Variants in TTC13 observed in about 807,000 individuals in gnomAD.
TTC13 encodes tetratricopeptide repeat protein 13.
TTC13 carries 62 observed loss-of-function variants against 120.0 expected under a neutral mutation model. That is an observed-to-expected ratio of 0.52 (90% CI 0.42 to 0.64). The LOEUF is 0.64. Among genes scored for constraint, TTC13 ranks in the 30% least tolerant of loss-of-function variants. The pLI is 0.00. For synonymous variants in TTC13, 384 were observed against 393.5 expected (o/e 0.98, Z 0.28); for missense variants, 824 against 1,050.2 (o/e 0.78, Z 2.98).
At chr1:230,959,231 AG>A (rs1454771667) in intron 2 of TTC13, among the ~76,000 whole-genome samples, 2 of 152,222 alleles carry the variant, frequency 1.3e-5, no homozygotes, top group African/African-American at 4.8e-5. Context: ...TTCTGCAAAA[AG>A]ATATAGGGAC....
chr1:230,955,548 G>A (rs1675989618), intron 3 of TTC13, among the ~76,000 whole-genome samples: 2 of 151,226 alleles, frequency 1.3e-5, no homozygotes, highest in African/African-American at 4.9e-5. Context: ...GCGGGTGCCT[G>A]TAGTCCCAGC....
In TTC13 at chr1:230,943,920, T is replaced by C. The variant is rs1459146987; in HGVS notation, c.580-22A>G. 1.9e-6 allele frequency: 3 copies of C among 1,569,326 alleles called. No homozygotes were observed. In the African/African-American group the frequency reaches 4.1e-5, roughly 21 times the overall value. On this transcript the variant is annotated intron_variant, in intron 5 of 22. Transcript: ENST00000366661. ...TGTCCTTGAAAAGGCATTAGCTTAG[T>C]ATGAGACATACTGTTACTCAAAACC...
intron 17 of TTC13, among the ~76,000 whole-genome samples, chr1:230,919,028 G>C (rs535230282): frequency 6.6e-6 from 1 of 152,186 alleles, no homozygotes; most frequent in Non-Finnish European, 1.5e-5. Context: ...ATTCTTAATG[G>C]ATTATACTTT....
chr1:230,926,491 G>C (rs1673063533), intron 12 of TTC13, among the ~76,000 whole-genome samples: 1 of 152,176 alleles, frequency 6.6e-6, no homozygotes, highest in African/African-American at 2.4e-5. Flanking sequence ...AGGAAAGCAA[G>C]TGTTGAATAG....
intron 14 of TTC13, among the ~76,000 whole-genome samples, chr1:230,924,497 T>G (rs7517266): frequency 0.075 from 11,408 of 152,250 alleles, 466 homozygotes; most frequent in Non-Finnish European, 0.088. Context: ...CACGCCCAGC[T>G]AATTTTTTGT....
chr1:230,935,919 T>C (rs1674009276), intron 8 of TTC13, among the ~76,000 whole-genome samples: 1 of 151,470 alleles, frequency 6.6e-6, no homozygotes, highest in Non-Finnish European at 1.5e-5. Flanking sequence ...TACAACAGAG[T>C]TTGGTGGCTG....
In TTC13 at chr1:230,923,946, G is replaced by C. The variant is rs779163475; in HGVS notation, c.1722-13C>G. ...TGGGTCAGCAATCCTATAAAACAGA[G>C]ACCTTTATAAAACCAGAAGTGTTCA... On this transcript the variant is annotated splice_polypyrimidine_tract_variant and intron_variant, in intron 14 of 22. Coordinates refer to ENST00000366661, the MANE Select transcript of TTC13 (RefSeq NM_024525.5). The C allele has an allele frequency of 6.9e-6, 11 of 1,602,984 alleles. No homozygotes were observed. Among genetic ancestry groups the C allele is most frequent in the Middle Eastern group, 3.3e-4 (2 of 6,024 alleles).
At chr1:230,965,666 A>C (rs1303842702) in intron 1 of TTC13, among the ~76,000 whole-genome samples, 1 of 152,238 alleles carries the variant, frequency 6.6e-6, no homozygotes. Context: ...AGATATCTGC[A>C]ATCCAATATT....
intron 8 of TTC13, chr1:230,936,186 A>C: frequency 2.2e-6 from 1 of 456,210 alleles, no homozygotes; most frequent in South Asian, 1.5e-5. Context: ...AGTTCTTCAA[A>C]GTCTGATTTC....
At chr1:230,948,179 C>T (rs757053791) in intron 4 of TTC13, among the ~76,000 whole-genome samples, 3 of 152,168 alleles carry the variant, frequency 2.0e-5, no homozygotes, top group Non-Finnish European at 2.9e-5. Context: ...CTCCAAATCA[C>T]TGAAATACAT....
intron 18 of TTC13, among the ~76,000 whole-genome samples, chr1:230,914,615 G>C (rs748798439): frequency 6.6e-6 from 1 of 152,158 alleles, no homozygotes; most frequent in African/African-American, 2.4e-5. Flanking sequence ...GGCTGGTCTC[G>C]AACTCCTGAC....
In TTC13 at chr1:230,958,238, G is replaced by A; in HGVS notation, c.428C>T (p.Thr143Ile). Residue 143 changes from threonine to isoleucine, a missense_variant, in exon 3 of 23, where the codon ACA becomes ATA. Physicochemically the swap from Thr to Ile is moderately conservative, Grantham distance 89. Transcript: ENST00000366661. ...RFPFATDNDS[T>I]NEELAIAYVL... Reference sequence around the variant, plus strand: ...TCAAGTCTTACCTAACTCTTCATTTGTGCTGTCATTATCAGTGGCAAACGG... The same window carrying A: ...TCAAGTCTTACCTAACTCTTCATTTATGCTGTCATTATCAGTGGCAAACGG... The A allele has an allele frequency of 2.5e-6, 4 of 1,610,708 alleles. No individual in the cohort carries two copies. The highest frequency in any genetic ancestry group is 3.4e-6 in the Non-Finnish European group (4 of 1,179,452).
intron 9 of TTC13, among the ~76,000 whole-genome samples, chr1:230,933,145 G>C (rs12090023): frequency 5.3e-5 from 8 of 151,916 alleles, no homozygotes; most frequent in Non-Finnish European, 1.0e-4. Flanking sequence ...GCTAACTTTT[G>C]TATTTTTAGT....
rs191996088 is a variant in TTC13 at position 230,908,636 on chromosome 1, C to T, written c.2468+76G>A. ...AGTATAACAGTTCCAGTTTTCATAG[C>T]GCTCCAAAGTAACAGGAAACTCCTT... On this transcript the variant is annotated intron_variant, in intron 22 of 22. Transcript: ENST00000366661. 327 of 1,158,140 alleles carry T rather than the reference C, an allele frequency of 2.8e-4. No homozygotes were observed. The African/African-American group carries it at 2.8e-3, about 10-fold the overall frequency. The allele number at this position is 1,158,140 out of a possible 1,614,324, so 71.7% of individuals were successfully genotyped here.
chr1:230,930,176 T>C (rs1572212325), intron 11 of TTC13, among the ~76,000 whole-genome samples: 1 of 152,218 alleles, frequency 6.6e-6, no homozygotes, highest in Admixed American at 6.5e-5. Context: ...AGATGTACTA[T>C]AGCATAAACT....
chr1:230,917,423 GGGGC>G (rs1672142701), intron 17 of TTC13, among the ~76,000 whole-genome samples: 3 of 152,106 alleles, frequency 2.0e-5, no homozygotes, highest in African/African-American at 7.2e-5. Flanking sequence ...CCGCCTCTAG[GGGGC>G]GCTGACATAC....
chr1:230,914,497 C>T lies in TTC13; in HGVS notation c.2093+1696G>A, dbSNP rs556899794. 1.5e-3 allele frequency among the ~76,000 whole-genome samples: 222 copies of T among 152,110 alleles called. 1 individual carries two copies. Among genetic ancestry groups the T allele is most frequent in the Admixed American group, 2.9e-3 (44 of 15,288 alleles). On this transcript the variant is annotated intron_variant, in intron 18 of 22. Transcript: ENST00000366661. ...GCAACCTCCCCGTCATGGGTTCAAG[C>T]GATTCTCCTGCCTCAGCCTCCAGAG...
At chr1:230,939,848 G>A (rs894350708) in intron 7 of TTC13, among the ~76,000 whole-genome samples, 3 of 152,200 alleles carry the variant, frequency 2.0e-5, no homozygotes, top group African/African-American at 7.2e-5. Context: ...TTATGCCACA[G>A]ATTAACATTA....
chr1:230,968,112 A>C (rs559633331), intron 1 of TTC13, among the ~76,000 whole-genome samples: 28 of 148,558 alleles, frequency 1.9e-4, no homozygotes, highest in African/African-American at 6.1e-4. Flanking sequence ...CTCTTTCTGT[A>C]GTCACCTCAT....
Sources: gnomAD v4.1 joint callset for allele counts (sites outside exome capture counted in the v4.1 genomes callset) on GRCh38, gnomAD v4.1.1 for gene constraint, MANE v1.5 for transcripts, NCBI Gene and HGNC (gene_info 2026-07-23, HGNC 2026-07-21) for gene names.